The following CACNA2D3 variants were observed in gnomAD, a reference collection of about 807,000 sequenced individuals.
CACNA2D3 encodes calcium voltage-gated channel auxiliary subunit alpha2delta 3.
In CACNA2D3, 60 loss-of-function variants were observed where a neutral mutation model predicts 160.6. The ratio of observed to expected loss-of-function variants is 0.37; its 90% confidence interval spans 0.30 to 0.46. The LOEUF (loss-of-function observed/expected upper bound fraction) is 0.46. Among genes scored for constraint, CACNA2D3 ranks in the 20% least tolerant of loss-of-function variants. The pLI, the probability that CACNA2D3 is intolerant of heterozygous loss-of-function variation, is 1.00. For missense variants in CACNA2D3, 1,205 were observed against 1,365.0 expected, an observed-to-expected ratio of 0.88 and a Z score of 1.85; for synonymous variants, 558 against 492.9, an observed-to-expected ratio of 1.13 and a Z score of -1.75.
At chr3:54,592,539 A>G (rs1294230673) in intron 9 of CACNA2D3, among the ~76,000 whole-genome samples, 2 of 152,162 alleles carry the variant, frequency 1.3e-5, no homozygotes, top group Non-Finnish European at 2.9e-5. Flanking sequence ...GAAAACTCTC[A>G]TCCTAATCTA....
At chr3:54,949,104 T>C (rs1013609790) in intron 27 of CACNA2D3, among the ~76,000 whole-genome samples, 1 of 152,198 alleles carries the variant, frequency 6.6e-6, no homozygotes, top group Non-Finnish European at 1.5e-5. Flanking sequence ...TCTGAGCAGA[T>C]TGGCAAACTC....
At chr3:54,170,376 C>A (rs2107309908) in intron 2 of CACNA2D3, among the ~76,000 whole-genome samples, 1 of 152,110 alleles carries the variant, frequency 6.6e-6, no homozygotes, top group Non-Finnish European at 1.5e-5. Context: ...TGTTGATTCC[C>A]AGTACAAAAT....
chr3:54,657,515 A>G (rs761303199), intron 11 of CACNA2D3, among the ~76,000 whole-genome samples: 28 of 152,140 alleles, frequency 1.8e-4, no homozygotes, highest in Non-Finnish European at 3.8e-4. Context: ...TACACATTCA[A>G]CAACAGCTCC....
chr3:54,642,225 A>G lies in CACNA2D3; in HGVS notation c.1151A>G (p.Asn384Ser), dbSNP rs769225591. 9 of 1,610,050 alleles carry G rather than the reference A, an allele frequency of 5.6e-6. No homozygotes were observed. The highest frequency in any genetic ancestry group is 1.7e-5 in the Admixed American group (1 of 59,670). The part of the protein sequence containing the change: ...DTYDTIFAKY[N>S]WPDRKVRIFT... The stretch of plus-strand genomic sequence containing the variant: ...TATGATACAATCTTTGCAAAATACA[A>G]TTGGCCAGATCGAAAGGTAAGTTGA... Residue 384 changes from asparagine (N) to serine (S), a missense_variant, in exon 11 of 38, where the codon AAT (asparagine) becomes AGT (serine). Around this residue, in one of 3 missense-constraint regions of CACNA2D3, gnomAD observed 911 missense variants for 1,002.2 expected, o/e 0.91. Transcript: ENST00000474759.
At chr3:54,200,173 C>T (rs1284449025) in intron 2 of CACNA2D3, among the ~76,000 whole-genome samples, 1 of 152,226 alleles carries the variant, frequency 6.6e-6, no homozygotes, top group East Asian at 1.9e-4. Context: ...TCAGACCCAA[C>T]CTCTTGCTTT....
chr3:55,013,420 AAAC>A (rs1703253687), intron 34 of CACNA2D3, among the ~76,000 whole-genome samples: 1 of 152,236 alleles, frequency 6.6e-6, no homozygotes. Context: ...GAAGAAAAGA[AAAC>A]AAGCAAAGGT....
At chr3:54,347,318 A>G (rs563324102) in intron 3 of CACNA2D3, among the ~76,000 whole-genome samples, 5 of 152,310 alleles carry the variant, frequency 3.3e-5, no homozygotes, top group East Asian at 1.9e-4. Context: ...TCTCTTAACC[A>G]GTGCACTTTC....
intron 6 of CACNA2D3, among the ~76,000 whole-genome samples, chr3:54,568,338 C>G (rs1702441184): frequency 1.3e-5 from 2 of 152,320 alleles, no homozygotes; most frequent in Middle Eastern, 3.4e-3. Flanking sequence ...GATTTACGTA[C>G]ATTCTGGGGA....
At chr3:54,669,336 A>G (rs930407244) in intron 11 of CACNA2D3, among the ~76,000 whole-genome samples, 2 of 152,336 alleles carry the variant, frequency 1.3e-5, no homozygotes, top group African/African-American at 2.4e-5. Flanking sequence ...GTGTAAAGGA[A>G]TGTTTCAGTG....
At chr3:54,762,772 G>C (rs1702102555) in intron 12 of CACNA2D3, among the ~76,000 whole-genome samples, 1 of 152,204 alleles carries the variant, frequency 6.6e-6, no homozygotes, top group Admixed American at 6.5e-5. Context: ...CAACAGCATG[G>C]TGAGAATGTT....
intron 27 of CACNA2D3, chr3:54,924,946 CT>C: frequency 6.2e-7 from 1 of 1,611,530 alleles, no homozygotes; most frequent in Non-Finnish European, 8.5e-7. Flanking sequence ...CCATGGAAAG[CT>C]CCAGGGGCCA....
intron 3 of CACNA2D3, among the ~76,000 whole-genome samples, chr3:54,371,870 A>G (rs1698931321): frequency 6.6e-6 from 1 of 152,224 alleles, no homozygotes; most frequent in Non-Finnish European, 1.5e-5. Context: ...TTGGTGGAAA[A>G]ACGTGGCCTG....
At chr3:54,296,309 T>C (rs1703341635) in intron 2 of CACNA2D3, among the ~76,000 whole-genome samples, 1 of 152,188 alleles carries the variant, frequency 6.6e-6, no homozygotes, top group Non-Finnish European at 1.5e-5. Context: ...TCCCTTCTCC[T>C]CCTTTTCTCT....
chr3:54,919,086 A>G (rs1460469036), intron 27 of CACNA2D3, among the ~76,000 whole-genome samples: 1 of 152,160 alleles, frequency 6.6e-6, no homozygotes, highest in Non-Finnish European at 1.5e-5. Context: ...TAAAAATGCC[A>G]CACACTAAAT....
At chr3:54,813,643 C>T (rs1703382736) in intron 13 of CACNA2D3, among the ~76,000 whole-genome samples, 1 of 152,040 alleles carries the variant, frequency 6.6e-6, no homozygotes, top group African/African-American at 2.4e-5. Flanking sequence ...GCTTATTTAA[C>T]AAGGGAAGTA....
chr3:54,143,104 C>T (rs1046357668), intron 2 of CACNA2D3, among the ~76,000 whole-genome samples: 2 of 152,236 alleles, frequency 1.3e-5, no homozygotes, highest in Non-Finnish European at 2.9e-5. Context: ...AAGGCTAAGA[C>T]ACACACTGGT....
chr3:54,404,102 A>G (rs1165164251), intron 4 of CACNA2D3, among the ~76,000 whole-genome samples: 5 of 152,224 alleles, frequency 3.3e-5, no homozygotes, highest in South Asian at 4.1e-4. Context: ...TCATCCAGAA[A>G]ATAGAGCTGG....
At chr3:54,968,299 A>G (rs1702197112) in intron 27 of CACNA2D3, 151 bp from the exon 28 acceptor site, 1 of 599,960 alleles carries the variant, frequency 1.7e-6, no homozygotes, top group Non-Finnish European at 3.0e-6. Context: ...TTTACCTGAA[A>G]GATAAAATGT....
intron 4 of CACNA2D3, among the ~76,000 whole-genome samples, chr3:54,412,405 G>T (rs193210056): frequency 6.6e-6 from 1 of 152,032 alleles, no homozygotes; most frequent in Admixed American, 6.5e-5. Context: ...CATGTATTTT[G>T]AAACTCTTTT....
Sources: gnomAD v4.1 joint callset for allele counts (sites outside exome capture counted in the v4.1 genomes callset) on GRCh38, gnomAD v4.1.1 for gene constraint, gnomAD v4.1.1 regional missense constraint, MANE v1.5 for transcripts, NCBI Gene and HGNC (gene_info 2026-07-23, HGNC 2026-07-21) for gene names.